Variants in KANSL3 observed in about 807,000 individuals in gnomAD.
KANSL3 encodes NSL complex protein NSL3.
KANSL3 carries 16 observed loss-of-function variants against 89.2 expected under a neutral mutation model. That is an observed-to-expected ratio of 0.18 (90% CI 0.12 to 0.27). The LOEUF is 0.27. Ranked by LOEUF, KANSL3 falls within the 10% of genes least tolerant of loss-of-function variation. The pLI is 1.00. For synonymous variants in KANSL3, 385 were observed against 419.7 expected (o/e 0.92, Z 1.01); for missense variants, 879 against 1,110.6 (o/e 0.79, Z 2.96).
rs768590755 is a variant in KANSL3 at position 96,608,611 on chromosome 2, G to C, written c.1638C>G (p.Thr546=). The change falls in exon 14 of 21, where the codon ACC becomes ACG. Residue 546 remains threonine, a synonymous_variant. Transcript: ENST00000431828. The part of the protein sequence containing the change: ...SPTSSPKTKV[T]TVTSAQKSSQ... The stretch of plus-strand genomic sequence containing the variant: ...TGGACTTCTGGGCAGAGGTCACTGT[G>C]GTCACTTTGGTCTTGGGACTGGAGG... The C allele has an allele frequency of 1.9e-6, 3 of 1,613,858 alleles. No individual in the cohort carries two copies. The highest frequency in any genetic ancestry group is 2.5e-6 in the Non-Finnish European group (3 of 1,179,894).
chr2:96,627,794 G>A (rs1211783407), intron 3 of KANSL3: 2 of 609,132 alleles, frequency 3.3e-6, no homozygotes, highest in East Asian at 6.7e-5. Context: ...TATAATCAGA[G>A]CAGAAGGAAC....
chr2:96,623,383 T>C (rs1048744562), intron 3 of KANSL3, among the ~76,000 whole-genome samples: 1 of 152,210 alleles, frequency 6.6e-6, no homozygotes, highest in Non-Finnish European at 1.5e-5. Flanking sequence ...GAGACCAGCA[T>C]CCTTTCCATC....
intron 3 of KANSL3, among the ~76,000 whole-genome samples, chr2:96,625,708 T>G (rs2072167850): frequency 6.6e-6 from 1 of 152,136 alleles, no homozygotes; most frequent in South Asian, 2.1e-4. Flanking sequence ...CCAGAAAAAG[T>G]TCTTAGGATT....
the KANSL3 span, among the ~76,000 whole-genome samples, chr2:96,583,427 T>C: frequency 6.6e-6 from 1 of 152,216 alleles, no homozygotes; most frequent in East Asian, 1.9e-4. Context: ...TGTACTCCTT[T>C]CTGGTTACAG....
downstream of KANSL3, among the ~76,000 whole-genome samples, chr2:96,590,749 C>T (rs565859580): frequency 1.5e-3 from 227 of 152,000 alleles, 1 homozygote; most frequent in African/African-American, 5.1e-3. Flanking sequence ...TTTGGGAGGC[C>T]GAGGCAGGAG....
chr2:96,610,195 T>C (rs899712517), intron 11 of KANSL3: 1 of 152,882 alleles, frequency 6.5e-6, no homozygotes, highest in African/African-American at 2.4e-5. Flanking sequence ...CTATGTAAGA[T>C]GTTTAACATT....
intron 20 of KANSL3, among the ~76,000 whole-genome samples, chr2:96,599,486 T>C (rs747152571): frequency 1.3e-5 from 2 of 152,328 alleles, no homozygotes; most frequent in Middle Eastern, 3.4e-3. Flanking sequence ...ATTCTTGTGA[T>C]AGGGCTAGCT....
chr2:96,622,384 G>A lies in KANSL3; in HGVS notation c.387-2622C>T, dbSNP rs1454538024. Among the ~76,000 whole-genome samples, 19 of 151,264 alleles carry A rather than the reference G, an allele frequency of 1.3e-4. No individual in the cohort carries two copies. The East Asian group carries it at 2.1e-3, about 17-fold the overall frequency. On this transcript the variant is annotated intron_variant, in intron 3 of 20. Coordinates refer to ENST00000431828, the MANE Select transcript of KANSL3 (RefSeq NM_001115016.3). ...CTGTAGTGAGGTATGATCATGCCAC[G>A]GGGCGACAGAACAAGACCTCGTCTC...
the KANSL3 span, among the ~76,000 whole-genome samples, chr2:96,584,185 G>A: frequency 2.0e-5 from 3 of 151,926 alleles, no homozygotes; most frequent in East Asian, 3.9e-4. Context: ...TTTTAGAGAC[G>A]CTCTTGCACA....
At chr2:96,584,163 T>C in the KANSL3 span, among the ~76,000 whole-genome samples, 1 of 152,204 alleles carries the variant, frequency 6.6e-6, no homozygotes, top group Non-Finnish European at 1.5e-5. Context: ...TCTATTCTTT[T>C]TTCACTTTTA....
At chr2:96,587,181 A>G in the KANSL3 span, among the ~76,000 whole-genome samples, 2 of 152,192 alleles carry the variant, frequency 1.3e-5, no homozygotes, top group Non-Finnish European at 2.9e-5. Flanking sequence ...GAGTGGTAAT[A>G]AAGCTCCCAA....
At chr2:96,583,395 T>TC in the KANSL3 span, among the ~76,000 whole-genome samples, 4 of 152,264 alleles carry the variant, frequency 2.6e-5, no homozygotes, top group South Asian at 8.3e-4. Context: ...ATAGAACATT[T>TC]CCCCCCGACG....
At chr2:96,603,867 G>T (rs781632185) in intron 17 of KANSL3, 6 of 160,188 alleles carry the variant, frequency 3.7e-5, no homozygotes, top group Non-Finnish European at 6.8e-5. Flanking sequence ...CCAACGGTAT[G>T]ACATAATTTC....
At chr2:96,621,462 C>A (rs559731943) in intron 3 of KANSL3, among the ~76,000 whole-genome samples, 3 of 150,580 alleles carry the variant, frequency 2.0e-5, no homozygotes, top group Non-Finnish European at 4.4e-5. Context: ...TGCAGTGAGC[C>A]GAGATTGCGC....
chr2:96,593,028 A>AC (rs1404943948), downstream of KANSL3: 1 of 256,102 alleles, frequency 3.9e-6, no homozygotes, highest in East Asian at 9.4e-5. Context: ...AAATTACAGT[A>AC]CCCCCTCATA....
the KANSL3 span, among the ~76,000 whole-genome samples, chr2:96,581,839 T>G: frequency 3.9e-5 from 6 of 152,232 alleles, no homozygotes; most frequent in Non-Finnish European, 7.3e-5. Flanking sequence ...GCAAGACTTG[T>G]ACAGTGAACA....
chr2:96,591,008 A>C (rs1003690296), downstream of KANSL3, among the ~76,000 whole-genome samples: 1 of 152,092 alleles, frequency 6.6e-6, no homozygotes, highest in Non-Finnish European at 1.5e-5. Flanking sequence ...AAAACAAAAC[A>C]AAACAAAACA....
At chr2:96,587,947 CA>C in the KANSL3 span, among the ~76,000 whole-genome samples, 1 of 152,052 alleles carries the variant, frequency 6.6e-6, no homozygotes, top group Non-Finnish European at 1.5e-5. Context: ...GACAGAACAA[CA>C]GACACAATCT....
intron 3 of KANSL3, among the ~76,000 whole-genome samples, chr2:96,630,218 T>C (rs1183434890): frequency 6.6e-6 from 1 of 152,236 alleles, no homozygotes; most frequent in Non-Finnish European, 1.5e-5. Flanking sequence ...AAAACTTGTA[T>C]GCAAATGTTC....
Sources: allele counts gnomAD v4.1 joint callset (sites outside exome capture counted in the v4.1 genomes callset), GRCh38; gene constraint gnomAD v4.1.1; transcripts MANE v1.5; gene names NCBI Gene and HGNC (gene_info 2026-07-23, HGNC 2026-07-21).